Variants in CORO2A observed in about 807,000 individuals in gnomAD.
The protein encoded by CORO2A is coronin-2A.
In CORO2A, 47 loss-of-function variants were observed where a neutral mutation model predicts 62.4. The ratio of observed to expected loss-of-function variants is 0.75; its 90% CI spans 0.60 to 0.96. CORO2A has a LOEUF of 0.96. Ranked by LOEUF, CORO2A falls within the 40% of genes least tolerant of loss-of-function variation. CORO2A has a pLI of 0.00. For missense variants in CORO2A, 610 were observed against 684.1 expected (o/e 0.89, Z 1.21); for synonymous variants, 273 against 268.9 (o/e 1.02, Z -0.15).
At chr9:98,181,334 CT>C (rs575456152) in intron 1 of CORO2A, among the ~76,000 whole-genome samples, 1,485 of 112,220 alleles carry the variant, frequency 0.013, 11 homozygotes, top group African/African-American at 0.017. Flanking sequence ...CTCTCTCTTG[CT>C]TTTTTTTTTT....
chr9:98,154,329 GTATA>G (rs61422672), intron 2 of CORO2A, among the ~76,000 whole-genome samples: 16 of 88,952 alleles, frequency 1.8e-4, no homozygotes, highest in African/African-American at 6.5e-4. Context: ...GTGTTTGTGT[GTATA>G]TATATATATA....
At chr9:98,163,432 C>T (rs749579948) in intron 1 of CORO2A, among the ~76,000 whole-genome samples, 7 of 152,162 alleles carry the variant, frequency 4.6e-5, no homozygotes, top group Non-Finnish European at 7.3e-5. Context: ...TCAGGTGATC[C>T]GCCTACCTTG....
intron 3 of CORO2A, 45 bp from the exon 4 acceptor site, chr9:98,135,000 T>C (rs1433762722): frequency 1.2e-6 from 2 of 1,601,132 alleles, no homozygotes; most frequent in South Asian, 2.2e-5. Context: ...CCAGGGCACC[T>C]TGGCACCGTC....
rs1287678996 is a variant in CORO2A, at chr9:98,128,115, T to G, written c.1171+55A>C. On this transcript the variant is annotated intron_variant, in intron 10 of 11. Coordinates refer to ENST00000375077, the MANE Select transcript of CORO2A (RefSeq NM_052820.4). ...ACCCCTCTCAATTGCTTGGGGCCACTGGGCACGCCATGTTCCTGTCACATT... is the reference window on the plus strand; with the variant it reads ...ACCCCTCTCAATTGCTTGGGGCCACGGGGCACGCCATGTTCCTGTCACATT... 13 of 1,445,602 alleles carry G rather than the reference T, an allele frequency of 9.0e-6. No individual in the cohort carries two copies. In the East Asian group the frequency reaches 3.0e-4, roughly 33 times the overall value. 89.5% of individuals were successfully genotyped at this position (1,445,602 alleles called of 1,614,324 possible).
intron 5 of CORO2A, 109 bp from the exon 6 acceptor site, chr9:98,132,410 C>T: frequency 1.3e-6 from 1 of 782,484 alleles, no homozygotes; most frequent in South Asian, 1.6e-5. Flanking sequence ...TGGGAGGCCT[C>T]CCTTTCTCAC....
rs146544632 is a variant in CORO2A, at chr9:98,132,144, C to G, written c.765+41G>C. 2,153 of 1,443,092 alleles carry G rather than the reference C, an allele frequency of 1.5e-3. 21 individuals carry two copies. The African/African-American group carries it at 0.024, about 16-fold the overall frequency. 89.4% of individuals were successfully genotyped at this position (1,443,092 alleles called of 1,614,324 possible). Reference sequence around the variant, plus strand: ...TGCATGAATGAATGACACTGGCTCTCAGCTGAGGGGTGATGGTGAGGGGTG... The same window carrying G: ...TGCATGAATGAATGACACTGGCTCTGAGCTGAGGGGTGATGGTGAGGGGTG... On this transcript the variant is annotated intron_variant, in intron 6 of 11. Transcript: ENST00000375077.
At chr9:98,175,915 C>G (rs1393865536) in intron 1 of CORO2A, among the ~76,000 whole-genome samples, 1 of 152,152 alleles carries the variant, frequency 6.6e-6, no homozygotes, top group Admixed American at 6.5e-5. Flanking sequence ...TAACTAAACT[C>G]AAAATAAGTA....
intron 4 of CORO2A, among the ~76,000 whole-genome samples, 164 bp from the exon 5 acceptor site, chr9:98,133,381 C>G (rs1402839836): frequency 6.6e-6 from 1 of 152,166 alleles, no homozygotes; most frequent in South Asian, 2.1e-4. Context: ...CAGGCTGAAG[C>G]TGCTTGTGGC....
At chr9:98,169,025 G>A (rs1004568146) in intron 1 of CORO2A, among the ~76,000 whole-genome samples, 1 of 152,208 alleles carries the variant, frequency 6.6e-6, no homozygotes, top group African/African-American at 2.4e-5. Flanking sequence ...GTGGAGGGGT[G>A]GGGGAAGAAG....
chr9:98,191,538 G>A (rs1716625229), intron 1 of CORO2A, among the ~76,000 whole-genome samples: 1 of 152,186 alleles, frequency 6.6e-6, no homozygotes, highest in African/African-American at 2.4e-5. Flanking sequence ...CAGCAGGAGA[G>A]GCAGTGACTG....
rs963057185 is a variant in CORO2A, at chr9:98,137,567, C to T, written c.318+5G>A. ...AGGGGAAGCCCCTCAGGGGCTGACA[C>T]TCACTGTGGCATCTTCAGAACAGGA... On this transcript the variant is annotated splice_donor_5th_base_variant and intron_variant, in intron 3 of 11. Transcript: ENST00000375077. 4 of 1,611,412 alleles carry T rather than the reference C, an allele frequency of 2.5e-6. No individual in the cohort carries two copies. The South Asian group carries it at 3.3e-5, about 13-fold the overall frequency.
intron 3 of CORO2A, among the ~76,000 whole-genome samples, chr9:98,135,587 G>C (rs1827475052): frequency 6.6e-6 from 1 of 152,094 alleles, no homozygotes; most frequent in Admixed American, 6.5e-5. Context: ...GAAGATGGAG[G>C]GGGCTGCCAT....
At position 98,168,021 on chromosome 9, in the gene CORO2A, G is replaced by A. The variant is rs1039463382; in HGVS notation, c.1-10361C>T. On this transcript the variant is annotated intron_variant, in intron 1 of 11. Transcript: ENST00000375077. The stretch of plus-strand genomic sequence containing the variant: ...AGCAGGAGAGCACAGAGGTGGCCCA[G>A]GCCCCGGAGCTTGACTGTCAGGGGT... Among the ~76,000 whole-genome samples the A allele has an allele frequency of 7.2e-5, 11 of 152,368 alleles. No individual in the cohort carries two copies. In the East Asian group the frequency reaches 1.2e-3, roughly 16 times the overall value.
chr9:98,142,194 T>C lies in CORO2A; in HGVS notation c.202-4506A>G, dbSNP rs145140031. On this transcript the variant is annotated intron_variant, in intron 2 of 11. Coordinates refer to ENST00000375077, the MANE Select transcript of CORO2A (RefSeq NM_052820.4). ...GAATGGAGCCCACAGCTGCACTGTC[T>C]TATCCTGCACCTGTGGCAGGCATTG... Among the ~76,000 whole-genome samples the C allele has an allele frequency of 3.4e-3, 517 of 152,362 alleles. 1 individual carries two copies. Among genetic ancestry groups the C allele is most frequent in the Middle Eastern group, 6.8e-3 (2 of 294 alleles).
At chr9:98,169,523 C>A (rs555918075) in intron 1 of CORO2A, among the ~76,000 whole-genome samples, 1 of 152,072 alleles carries the variant, frequency 6.6e-6, no homozygotes, top group Non-Finnish European at 1.5e-5. Context: ...ACCCCCAACT[C>A]TGGCCCTGCA....
chr9:98,188,550 A>G (rs1249847693), intron 1 of CORO2A, among the ~76,000 whole-genome samples: 1 of 152,148 alleles, frequency 6.6e-6, no homozygotes, highest in African/African-American at 2.4e-5. Context: ...GGATCATTTG[A>G]GGTCAGGAGT....
At chr9:98,163,323 G>T (rs1827912056) in intron 1 of CORO2A, among the ~76,000 whole-genome samples, 1 of 152,190 alleles carries the variant, frequency 6.6e-6, no homozygotes, top group South Asian at 2.1e-4. Flanking sequence ...CAGAGTAGCT[G>T]GGATAACAGG....
intron 1 of CORO2A, among the ~76,000 whole-genome samples, chr9:98,178,474 G>A (rs1828136917): frequency 6.6e-6 from 1 of 152,228 alleles, no homozygotes; most frequent in African/African-American, 2.4e-5. Flanking sequence ...TTAGAGTGGT[G>A]AATATAATTT....
At chr9:98,189,773 A>C (rs565469278) in intron 1 of CORO2A, among the ~76,000 whole-genome samples, 88 of 152,040 alleles carry the variant, frequency 5.8e-4, no homozygotes, top group Non-Finnish European at 1.0e-3. Flanking sequence ...TGCTGGCCAG[A>C]CTCCGGTAAT....
Sources: allele counts gnomAD v4.1 joint callset (sites outside exome capture counted in the v4.1 genomes callset), GRCh38; gene constraint gnomAD v4.1.1; transcripts MANE v1.5; gene names NCBI Gene and HGNC (gene_info 2026-07-23, HGNC 2026-07-21).